The following CACNA2D1 variants were observed in gnomAD, a reference collection of about 807,000 sequenced individuals.
CACNA2D1 encodes the protein voltage-dependent calcium channel subunit alpha-2/delta-1.
CACNA2D1 carries 53 observed loss-of-function variants against 171.5 expected under a neutral mutation model. That is an observed-to-expected ratio of 0.31 (90% CI 0.25 to 0.39). CACNA2D1 has a LOEUF of 0.39. Ranked by LOEUF, CACNA2D1 falls within the 10% of genes least tolerant of loss-of-function variation. The pLI, the probability that CACNA2D1 is intolerant of heterozygous loss-of-function variation, is 1.00. For missense variants in CACNA2D1, 903 were observed against 1,299.8 expected, an observed-to-expected ratio of 0.69 and a Z score of 4.69; for synonymous variants, 442 against 443.1, an observed-to-expected ratio of 1.00 and a Z score of 0.03.
At chr7:82,148,325 A>G (rs755160946) in intron 4 of CACNA2D1, among the ~76,000 whole-genome samples, 8 of 135,080 alleles carry the variant, frequency 5.9e-5, no homozygotes, top group Non-Finnish European at 9.5e-5. Flanking sequence ...GCATAGTTAG[A>G]AAAAAAAAAA....
At chr7:81,974,353 C>A in intron 25 of CACNA2D1, 102 bp downstream of exon 25, 1 of 615,804 alleles carries the variant, frequency 1.6e-6, no homozygotes, top group Non-Finnish European at 2.9e-6. Context: ...AGTAAATAAA[C>A]AACCAGCACA....
At chr7:82,103,235 A>T (rs912630408) in intron 6 of CACNA2D1, among the ~76,000 whole-genome samples, 2 of 152,158 alleles carry the variant, frequency 1.3e-5, no homozygotes, top group Non-Finnish European at 2.9e-5. Flanking sequence ...GTGAACCAGG[A>T]GGTGGAGGTT....
chr7:82,034,262 TA>T (rs1562899852), intron 11 of CACNA2D1, among the ~76,000 whole-genome samples: 1 of 152,108 alleles, frequency 6.6e-6, no homozygotes, highest in Non-Finnish European at 1.5e-5. Context: ...AAATGACTAA[TA>T]TTTTTTAAAA....
intron 4 of CACNA2D1, among the ~76,000 whole-genome samples, chr7:82,154,621 C>T (rs1794192451): frequency 1.3e-5 from 2 of 151,956 alleles, no homozygotes; most frequent in Non-Finnish European, 2.9e-5. Flanking sequence ...GGTATGCACA[C>T]AAAAAATACA....
At chr7:82,182,338 G>T (rs1244009581) in intron 3 of CACNA2D1, among the ~76,000 whole-genome samples, 1 of 152,110 alleles carries the variant, frequency 6.6e-6, no homozygotes, top group East Asian at 1.9e-4. Flanking sequence ...GAAAAAATAT[G>T]GAAAGGCCCC....
chr7:82,184,293 T>C (rs986324225), intron 3 of CACNA2D1, among the ~76,000 whole-genome samples: 1 of 151,900 alleles, frequency 6.6e-6, no homozygotes, highest in Non-Finnish European at 1.5e-5. Flanking sequence ...AAAATTACTA[T>C]GATGTGTAAA....
intron 6 of CACNA2D1, among the ~76,000 whole-genome samples, chr7:82,102,639 C>A (rs2129037663): frequency 6.6e-6 from 1 of 152,226 alleles, no homozygotes; most frequent in South Asian, 2.1e-4. Flanking sequence ...AGTATGTTTT[C>A]ATTCAACGAA....
At position 82,180,645 on chromosome 7, in the gene CACNA2D1, C is replaced by T. The variant is rs549495373; in HGVS notation, c.295-10036G>A. Among the ~76,000 whole-genome samples, 14 of 152,212 alleles carry T rather than the reference C, an allele frequency of 9.2e-5. 1 individual carries two copies. The highest frequency in any genetic ancestry group is 8.5e-4 in the Admixed American group (13 of 15,266). On this transcript the variant is annotated intron_variant, in intron 3 of 38. Transcript: ENST00000356860. The stretch of plus-strand genomic sequence containing the variant: ...ACTCTCTAGGAGAGCCCTGATGAGG[C>T]GCTGGGTTGTGAGGAGGAATTAGTC...
At chr7:81,997,123 G>A in intron 19 of CACNA2D1, 56 bp downstream of exon 19, 1 of 917,136 alleles carries the variant, frequency 1.1e-6, no homozygotes, top group Non-Finnish European at 1.8e-6. Context: ...CTTGTAGAAT[G>A]AGTGCATACC....
intron 1 of CACNA2D1, among the ~76,000 whole-genome samples, chr7:82,377,012 C>T (rs17180597): frequency 0.16 from 25,097 of 152,110 alleles, 2,128 homozygotes; most frequent in South Asian, 0.26. Flanking sequence ...AAACTGTTCT[C>T]TAATGCAAGG....
chr7:82,371,602 C>A (rs1175314356), intron 1 of CACNA2D1, among the ~76,000 whole-genome samples: 1 of 151,830 alleles, frequency 6.6e-6, no homozygotes, highest in South Asian at 2.1e-4. Flanking sequence ...TATTTTGCAA[C>A]AGAGCTTCTC....
At chr7:82,042,035 G>T (rs907213110) in intron 10 of CACNA2D1, among the ~76,000 whole-genome samples, 1 of 152,134 alleles carries the variant, frequency 6.6e-6, no homozygotes. Flanking sequence ...CTGATTAAAT[G>T]TAAATTCATT....
intron 3 of CACNA2D1, among the ~76,000 whole-genome samples, chr7:82,212,065 T>C (rs1193258078): frequency 1.3e-5 from 2 of 152,192 alleles, no homozygotes; most frequent in Non-Finnish European, 2.9e-5. Context: ...TGCCCATTTT[T>C]TAATAGGCTT....
intron 3 of CACNA2D1, among the ~76,000 whole-genome samples, chr7:82,254,583 G>C (rs922104619): frequency 1.3e-5 from 2 of 152,024 alleles, no homozygotes; most frequent in Non-Finnish European, 2.9e-5. Context: ...GCGTCGTTTT[G>C]GTGGAAACTC....
At chr7:82,015,485 T>A (rs186818261) in intron 12 of CACNA2D1, among the ~76,000 whole-genome samples, 6 of 152,248 alleles carry the variant, frequency 3.9e-5, no homozygotes, top group African/African-American at 1.4e-4. Context: ...TTGAAAGACA[T>A]TGAATTTAAA....
intron 3 of CACNA2D1, among the ~76,000 whole-genome samples, chr7:82,190,807 T>C (rs112121901): frequency 0.018 from 2,752 of 151,740 alleles, 71 homozygotes; most frequent in African/African-American, 0.059. Flanking sequence ...TCTATCCCTA[T>C]CATTTTACAG....
chr7:82,112,563 T>C (rs1345110435), intron 6 of CACNA2D1, among the ~76,000 whole-genome samples: 1 of 152,208 alleles, frequency 6.6e-6, no homozygotes, highest in Non-Finnish European at 1.5e-5. Context: ...TGTTTTCCTC[T>C]GCCTTTTATA....
chr7:82,201,699 T>C (rs1357923641), intron 3 of CACNA2D1, among the ~76,000 whole-genome samples: 4 of 152,296 alleles, frequency 2.6e-5, no homozygotes, highest in African/African-American at 4.8e-5. Context: ...TCCCCACCTC[T>C]TCTCCCTGGG....
intron 4 of CACNA2D1, among the ~76,000 whole-genome samples, chr7:82,170,327 GTTT>G (rs1281776444): frequency 6.7e-6 from 1 of 148,730 alleles, no homozygotes; most frequent in African/African-American, 2.5e-5. Context: ...GGGTTTTTTG[GTTT>G]TTGTTTTTTT....
Sources: allele counts gnomAD v4.1 joint callset (sites outside exome capture counted in the v4.1 genomes callset), GRCh38; gene constraint gnomAD v4.1.1; transcripts MANE v1.5; gene names NCBI Gene and HGNC (gene_info 2026-07-23, HGNC 2026-07-21).